VIT: variants seen among roughly 807,000 people sequenced by gnomAD.
The protein encoded by VIT is vitrin.
In VIT, 99 loss-of-function variants were observed where a neutral mutation model predicts 78.0. The observed-to-expected ratio is 1.27, with a 90% confidence interval of 1.08 to 1.50. VIT has a LOEUF of 1.50. Among genes scored for constraint, VIT ranks in the 40% most tolerant of loss-of-function variants. VIT has a pLI of 0.00. For missense variants in VIT, 1,126 were observed against 875.3 expected, an observed-to-expected ratio of 1.29 and a Z score of -3.61; for synonymous variants, 374 against 334.3, an observed-to-expected ratio of 1.12 and a Z score of -1.29.
Position 36,814,173 on chromosome 2 carries a change from G to C in VIT, c.1904-10G>C, listed in dbSNP as rs548907504. On this transcript the variant is annotated splice_polypyrimidine_tract_variant and intron_variant, in intron 15 of 15. Transcript: ENST00000379242. ...GGGGACATTTGTTCATCTAACCTTTGTCCCCACAGGAGTGATCACCTATGC... is the reference window on the plus strand; with the variant it reads ...GGGGACATTTGTTCATCTAACCTTTCTCCCCACAGGAGTGATCACCTATGC... 5.0e-6 allele frequency: 8 copies of C among 1,612,230 alleles called. No individual in the cohort carries two copies. In the South Asian group the frequency reaches 8.8e-5, roughly 18 times the overall value.
intron 5 of VIT, among the ~76,000 whole-genome samples, chr2:36,757,987 A>G (rs1668869853): frequency 2.0e-5 from 3 of 152,110 alleles, no homozygotes; most frequent in Non-Finnish European, 2.9e-5. Flanking sequence ...ATGGTTGGCA[A>G]GATAGTGCCC....
chr2:36,705,626 A>G (rs1665369118), intron 1 of VIT, among the ~76,000 whole-genome samples: 1 of 152,210 alleles, frequency 6.6e-6, no homozygotes. Context: ...CCAACTGCCC[A>G]TGAGGAAACA....
At chr2:36,700,734 T>C (rs2148405216) in intron 1 of VIT, among the ~76,000 whole-genome samples, 1 of 128,730 alleles carries the variant, frequency 7.8e-6, no homozygotes, top group Middle Eastern at 3.7e-3. Flanking sequence ...AGACCCTATC[T>C]CAATTAAATA....
At chr2:36,731,883 A>G (rs188728633) in intron 3 of VIT, among the ~76,000 whole-genome samples, 1 of 152,344 alleles carries the variant, frequency 6.6e-6, no homozygotes, top group African/African-American at 2.4e-5. Context: ...CACATTAATC[A>G]TTTGAAATAA....
At chr2:36,701,805 T>C (rs12472756) in intron 1 of VIT, among the ~76,000 whole-genome samples, 73,564 of 152,018 alleles carry the variant, frequency 0.48, 17,987 homozygotes, top group Admixed American at 0.55. Flanking sequence ...TTATACACCA[T>C]AGTGAGTAAA....
intron 14 of VIT, among the ~76,000 whole-genome samples, chr2:36,808,070 C>T (rs779610341): frequency 2.6e-5 from 4 of 152,180 alleles, no homozygotes; most frequent in Non-Finnish European, 4.4e-5. Flanking sequence ...ATCTCTTTTC[C>T]GAACTGGAAT....
At chr2:36,706,741 CAAT>C (rs1665451478) in intron 1 of VIT, among the ~76,000 whole-genome samples, 1 of 152,172 alleles carries the variant, frequency 6.6e-6, no homozygotes, top group African/African-American at 2.4e-5. Flanking sequence ...CTGCATCTGA[CAAT>C]AATAATTGAG....
intron 12 of VIT, among the ~76,000 whole-genome samples, chr2:36,793,881 C>T (rs1311326202): frequency 6.6e-6 from 1 of 152,138 alleles, no homozygotes; most frequent in Non-Finnish European, 1.5e-5. Flanking sequence ...CTGAAAGGGC[C>T]TCAGAAGCCT....
chr2:36,702,692 C>T (rs1380716591), intron 1 of VIT, among the ~76,000 whole-genome samples: 1 of 152,262 alleles, frequency 6.6e-6, no homozygotes, highest in East Asian at 1.9e-4. Flanking sequence ...GAGGCAGGGA[C>T]AGGCCTCACT....
intron 3 of VIT, among the ~76,000 whole-genome samples, chr2:36,731,366 C>A (rs566678343): frequency 6.6e-6 from 1 of 152,006 alleles, no homozygotes; most frequent in African/African-American, 2.4e-5. Context: ...CTCCACCTCC[C>A]GGGTTCAAGT....
At chr2:36,726,439 C>A (rs752165980) in intron 2 of VIT, among the ~76,000 whole-genome samples, 1 of 152,200 alleles carries the variant, frequency 6.6e-6, no homozygotes, top group Non-Finnish European at 1.5e-5. Context: ...AAATATTATA[C>A]TTTTGTATTC....
At chr2:36,704,121 T>C (rs1431907434) in intron 1 of VIT, among the ~76,000 whole-genome samples, 1 of 152,054 alleles carries the variant, frequency 6.6e-6, no homozygotes, top group Non-Finnish European at 1.5e-5. Flanking sequence ...AGCTGGGGTT[T>C]CACCATGTTG....
chr2:36,719,765 C>G (rs1246927424), intron 2 of VIT, among the ~76,000 whole-genome samples: 4 of 152,116 alleles, frequency 2.6e-5, no homozygotes, highest in South Asian at 2.1e-4. Flanking sequence ...ATGGAGAAAC[C>G]CTGTATCTAC....
chr2:36,787,153 T>G lies in VIT; in HGVS notation c.935T>G (p.Leu312Ter), dbSNP rs537400245. The G allele has an allele frequency of 3.7e-6, 6 of 1,614,232 alleles. No individual in the cohort carries two copies. In the African/African-American group the frequency reaches 8.0e-5, roughly 22 times the overall value. ...GACTGCAAAATTGACTTGTCGTTTT[T>G]AATTGATGGGAGCACCAGCATTGGC... ...DPNCKIDLSF[L>*]IDGSTSIGKR... is the part of the protein sequence containing the mutation. Residue 312 changes from leucine to a stop codon, truncating the protein, a stop_gained, in exon 12 of 16, where the codon TTA (leucine) becomes TGA (stop). Transcript: ENST00000379242. LOFTEE classifies it high-confidence loss of function.
intron 2 of VIT, among the ~76,000 whole-genome samples, chr2:36,718,498 A>G (rs1666301775): frequency 6.6e-6 from 1 of 152,170 alleles, no homozygotes; most frequent in African/African-American, 2.4e-5. Context: ...CCTATGTAAC[A>G]TGGCTGCCAG....
chr2:36,756,930 T>C (rs1668801361), intron 5 of VIT, among the ~76,000 whole-genome samples: 1 of 152,204 alleles, frequency 6.6e-6, no homozygotes, highest in Non-Finnish European at 1.5e-5. Context: ...TTTTGGGCTT[T>C]TTAAGTGAAA....
At chr2:36,763,112 T>A (rs765323118) in intron 6 of VIT, among the ~76,000 whole-genome samples, 1 of 152,220 alleles carries the variant, frequency 6.6e-6, no homozygotes, top group Non-Finnish European at 1.5e-5. Flanking sequence ...AAAAACCTCT[T>A]CTGCCTTCCC....
intron 13 of VIT, 21 bp from the exon 14 acceptor site, chr2:36,805,417 T>C (rs1666641093): frequency 1.3e-6 from 2 of 1,580,584 alleles, no homozygotes; most frequent in Non-Finnish European, 1.7e-6. Context: ...ACTCCAAGCA[T>C]GAATTTTCTT....
At chr2:36,773,420 T>C (rs769910456) in intron 7 of VIT, among the ~76,000 whole-genome samples, 3 of 151,924 alleles carry the variant, frequency 2.0e-5, no homozygotes, top group Admixed American at 1.3e-4. Context: ...TCTTGCTAGG[T>C]TGGATCATAG....
Sources: gnomAD v4.1 joint callset for allele counts (sites outside exome capture counted in the v4.1 genomes callset) on GRCh38, gnomAD v4.1.1 for gene constraint, MANE v1.5 for transcripts, NCBI Gene and HGNC (gene_info 2026-07-23, HGNC 2026-07-21) for gene names.